GPR149: variants seen among roughly 807,000 people sequenced by gnomAD.
GPR149 encodes probable G protein-coupled receptor 149.
A neutral mutation model predicts 50.2 loss-of-function variants in GPR149; 50 were observed. That is an observed-to-expected ratio of 1.00 (90% CI 0.79 to 1.26). The LOEUF (loss-of-function observed/expected upper bound fraction) is 1.26, where lower values mean the gene tolerates loss of function less well. Ranked by LOEUF, GPR149 falls within the 50% of genes most tolerant of loss-of-function variation. The pLI, the probability that GPR149 is intolerant of heterozygous loss-of-function variation, is 0.00. For missense variants in GPR149, 983 were observed against 895.4 expected (o/e 1.10, Z -1.25); for synonymous variants, 405 against 358.2 (o/e 1.13, Z -1.48).
chr3:154,345,434 A>G (rs903116205), intron 3 of GPR149, among the ~76,000 whole-genome samples: 2 of 152,180 alleles, frequency 1.3e-5, no homozygotes, highest in Non-Finnish European at 2.9e-5. Context: ...TCCTTTTGTA[A>G]TCTCTGCTTT....
At chr3:154,348,468 A>G (rs188500712) in intron 3 of GPR149, among the ~76,000 whole-genome samples, 1 of 152,282 alleles carries the variant, frequency 6.6e-6, no homozygotes, top group East Asian at 1.9e-4. Context: ...GTGATATCAC[A>G]TAAAATAGAT....
chr3:154,350,604 A>G (rs906272094), intron 3 of GPR149, among the ~76,000 whole-genome samples: 6 of 152,212 alleles, frequency 3.9e-5, no homozygotes, highest in African/African-American at 1.2e-4. Context: ...AAAGATATCA[A>G]TTCTGTAGAA....
At chr3:154,422,182 A>G (rs1458351961) in intron 2 of GPR149, among the ~76,000 whole-genome samples, 1 of 151,704 alleles carries the variant, frequency 6.6e-6, no homozygotes, top group African/African-American at 2.4e-5. Context: ...TTACAAGAAG[A>G]GTTTAGCAGG....
intron 3 of GPR149, among the ~76,000 whole-genome samples, chr3:154,383,805 T>G (rs1714985212): frequency 6.6e-6 from 1 of 151,954 alleles, no homozygotes; most frequent in East Asian, 1.9e-4. Flanking sequence ...GTCATGAGGG[T>G]AGAGCCCTCA....
chr3:154,363,934 C>A (rs889038094), intron 3 of GPR149, among the ~76,000 whole-genome samples: 1 of 152,192 alleles, frequency 6.6e-6, no homozygotes, highest in Non-Finnish European at 1.5e-5. Context: ...TGTTCATGTA[C>A]CTTATTCCTC....
At position 154,430,150 on chromosome 3, in the gene GPR149, A is replaced by T. The variant is rs1275971844; in HGVS notation, c.-535T>A. On this transcript the variant is annotated 5_prime_UTR_variant, in exon 1 of 4. Transcript: ENST00000389740. ...GAGAGAGAGAGAGACAGAGAGAGAG[A>T]GAGAGAGGGCGAGCGCGAGCCAGTC... Among the ~76,000 whole-genome samples the T allele has an allele frequency of 1.3e-5, 2 of 151,930 alleles. No homozygotes were observed. Among genetic ancestry groups the T allele is most frequent in the South Asian group, 4.2e-4 (2 of 4,804 alleles).
At chr3:154,408,090 T>TATAA (rs958644956) in intron 3 of GPR149, among the ~76,000 whole-genome samples, 1 of 152,164 alleles carries the variant, frequency 6.6e-6, no homozygotes, top group African/African-American at 2.4e-5. Flanking sequence ...TCCATACTGA[T>TATAA]ATAAATAAAT....
At position 154,337,549 on chromosome 3, in the gene GPR149, G is replaced by A; in HGVS notation, c.*150C>T. On this transcript the variant is annotated 3_prime_UTR_variant, in exon 4 of 4. Transcript: ENST00000389740. Reference sequence around the variant, plus strand: ...CAAATGCACTTAAGTGTTTACACTAGTTCCAGTTGTTCCCACAAAAAAATT... The same window carrying A: ...CAAATGCACTTAAGTGTTTACACTAATTCCAGTTGTTCCCACAAAAAAATT... The A allele has an allele frequency of 1.7e-6, 1 of 583,374 alleles. No homozygotes were observed. The highest frequency in any genetic ancestry group is 2.9e-6 in the Non-Finnish European group (1 of 341,742). The allele number at this position is 583,374 out of a possible 1,614,324, so 36.1% of individuals were successfully genotyped here.
chr3:154,366,819 C>A (rs1049572768), intron 3 of GPR149, among the ~76,000 whole-genome samples: 2 of 152,152 alleles, frequency 1.3e-5, no homozygotes, highest in Non-Finnish European at 2.9e-5. Flanking sequence ...ATCTGTAAAA[C>A]CAAACAGTAA....
intron 2 of GPR149, among the ~76,000 whole-genome samples, chr3:154,423,398 GA>G (rs1712200445): frequency 6.6e-6 from 1 of 151,798 alleles, no homozygotes; most frequent in Non-Finnish European, 1.5e-5. Flanking sequence ...GTCTTTATTT[GA>G]AATTGTTTTC....
At chr3:154,370,017 A>G (rs559314703) in intron 3 of GPR149, among the ~76,000 whole-genome samples, 1 of 152,314 alleles carries the variant, frequency 6.6e-6, no homozygotes, top group East Asian at 1.9e-4. Flanking sequence ...GGCATTTGCT[A>G]ACTTGCATTT....
intron 3 of GPR149, among the ~76,000 whole-genome samples, chr3:154,342,556 A>G (rs1002501899): frequency 6.6e-6 from 1 of 151,966 alleles, no homozygotes; most frequent in African/African-American, 2.4e-5. Context: ...TTAAAGGCGT[A>G]CCCCACCAGG....
intron 3 of GPR149, among the ~76,000 whole-genome samples, chr3:154,391,556 TA>T (rs11385801): frequency 7.6e-4 from 115 of 150,908 alleles, no homozygotes; most frequent in Non-Finnish European, 1.2e-3. Flanking sequence ...TACAAGGTAG[TA>T]AAAAAACATG....
intron 3 of GPR149, among the ~76,000 whole-genome samples, chr3:154,345,102 G>A (rs1448677577): frequency 1.7e-4 from 26 of 152,226 alleles, no homozygotes; most frequent in Non-Finnish European, 1.3e-4. Flanking sequence ...ACCTATAACA[G>A]TGTCTGGCAT....
At chr3:154,342,445 C>A (rs1012531495) in intron 3 of GPR149, among the ~76,000 whole-genome samples, 1 of 152,146 alleles carries the variant, frequency 6.6e-6, no homozygotes, top group Non-Finnish European at 1.5e-5. Context: ...TGCTCTGTTA[C>A]CCAGGCTGGA....
In GPR149 at chr3:154,337,645, G is replaced by GT; in HGVS notation, c.*53dup. ...AATCAGTCTCATAACAAAGGTGTTA[G>GT]TTTCACAGTTGACGTTGCAGATCCA... On this transcript the variant is annotated 3_prime_UTR_variant, in exon 4 of 4. Transcript: ENST00000389740. The GT allele has an allele frequency of 7.8e-7, 1 of 1,288,776 alleles. No homozygotes were observed. The highest frequency in any genetic ancestry group is 1.1e-6 in the Non-Finnish European group (1 of 933,664). The allele number at this position is 1,288,776 out of a possible 1,614,324, so 79.8% of individuals were successfully genotyped here. A position where few individuals can be genotyped will look rare whatever the true frequency, so the allele number is the denominator to read the frequency against.
intron 3 of GPR149, among the ~76,000 whole-genome samples, chr3:154,350,378 A>G (rs1025075697): frequency 6.6e-6 from 1 of 152,178 alleles, no homozygotes; most frequent in African/African-American, 2.4e-5. Context: ...CATGTACAAA[A>G]TCATTTGTAC....
intron 3 of GPR149, among the ~76,000 whole-genome samples, chr3:154,375,836 G>A (rs938171805): frequency 2.2e-4 from 34 of 152,152 alleles, no homozygotes; most frequent in Non-Finnish European, 3.4e-4. Flanking sequence ...CCAATCCACT[G>A]AGGGCCTAAA....
intron 3 of GPR149, among the ~76,000 whole-genome samples, chr3:154,397,693 C>T (rs1312783930): frequency 6.6e-6 from 1 of 152,032 alleles, no homozygotes; most frequent in Non-Finnish European, 1.5e-5. Context: ...ATAAATACTC[C>T]CACCATGGCT....
Sources: allele counts gnomAD v4.1 joint callset (sites outside exome capture counted in the v4.1 genomes callset), GRCh38; gene constraint gnomAD v4.1.1; transcripts MANE v1.5; gene names NCBI Gene and HGNC (gene_info 2026-07-23, HGNC 2026-07-21).